Variants in CAD observed in about 807,000 individuals in gnomAD.
CAD encodes the protein multifunctional protein CAD.
CAD carries 81 observed loss-of-function variants against 237.2 expected under a neutral mutation model. The ratio of observed to expected loss-of-function variants is 0.34; its 90% CI spans 0.29 to 0.41. The LOEUF (loss-of-function observed/expected upper bound fraction) is 0.41. Ranked by LOEUF, CAD falls within the 10% of genes least tolerant of loss-of-function variation. The probability of loss-of-function intolerance (pLI) is 1.00; values close to 1 mark genes in which losing one functional copy is unlikely to be tolerated. For synonymous variants in CAD, 1,196 were observed against 1,162.8 expected (o/e 1.03, Z -0.58); for missense variants, 2,181 against 2,951.7 (o/e 0.74, Z 6.05).
In CAD at chr2:27,237,246, A is replaced by C. The variant is rs1353897449; in HGVS notation, c.4397-133A>C. On this transcript the variant is annotated intron_variant, in intron 27 of 43. Transcript: ENST00000264705. The surrounding 1 kb of genome is among the most constrained non-coding windows in gnomAD (Gnocchi z 4.0). Reference sequence around the variant, plus strand: ...ACCATGTTGGTCAGGTTGGTCTCGAACTCCTGATCTCAGGTGATCTGCCCA... The same window carrying C: ...ACCATGTTGGTCAGGTTGGTCTCGACCTCCTGATCTCAGGTGATCTGCCCA... 2 of 895,770 alleles carry C rather than the reference A, an allele frequency of 2.2e-6. No individual in the cohort carries two copies. 55.5% of individuals were successfully genotyped at this position (895,770 alleles called of 1,614,324 possible).
chr2:27,224,141 A>G (rs1473836963), intron 8 of CAD, 112 bp downstream of exon 8: 3 of 937,964 alleles, frequency 3.2e-6, no homozygotes, highest in African/African-American at 3.3e-5. Flanking sequence ...GGTTAAGGGT[A>G]TTGGGGATGG....
Position 27,243,513 on chromosome 2 carries a change from T to G in CAD, c.6673T>G (p.Phe2225Val), listed in dbSNP as rs1236147043. The change falls in exon 44 of 44, where the codon TTC becomes GTC. Residue 2225 changes from phenylalanine (F) to valine (V), a missense_variant. By Grantham distance (50) the Phe-to-Val change is conservative. This residue lies in a region of CAD where 170 missense variants were observed against 212.1 expected (regional missense o/e 0.80). Coordinates refer to ENST00000264705, the MANE Select transcript of CAD (RefSeq NM_004341.5). Reference sequence around the variant, plus strand: ...TCTGTTAGCCACCGTGCTGGGCCGTTTCTAGGGCCTGGCTTCCTCAGCCTC... The same window carrying G: ...TCTGTTAGCCACCGTGCTGGGCCGTGTCTAGGGCCTGGCTTCCTCAGCCTC... Reference protein sequence around the residue: ...MALLATVLGRF With the variant: ...MALLATVLGRV The G allele has an allele frequency of 1.3e-6, 2 of 1,589,368 alleles. No individual in the cohort carries two copies. The highest frequency in any genetic ancestry group is 1.8e-5 in the Admixed American group (1 of 55,972).
In CAD at chr2:27,235,807, G is replaced by C; in HGVS notation, c.4074+167G>C. On this transcript the variant is annotated intron_variant, in intron 25 of 43. Coordinates refer to ENST00000264705, the MANE Select transcript of CAD (RefSeq NM_004341.5). This position sits in a 1 kb window ranked among gnomAD's most constrained non-coding sequence, Gnocchi z 5.2. ...TTGAGCCCAGGAGGTAGAGGCTGCA[G>C]TGAGCTGCGAGTGTGCAGTGAGTGC... 3.3e-6 allele frequency: 2 copies of C among 597,886 alleles called. No homozygotes were observed. The highest frequency in any genetic ancestry group is 3.3e-4 in the Middle Eastern group (1 of 3,044). The allele number at this position is 597,886 out of a possible 1,614,324, so 37.0% of individuals were successfully genotyped here.
chr2:27,232,845 GC>G lies in CAD; in HGVS notation c.2892+155del. 1 of 969,918 alleles carries G rather than the reference GC, an allele frequency of 1.0e-6. No homozygotes were observed. The highest frequency in any genetic ancestry group is 1.6e-6 in the Non-Finnish European group (1 of 632,576). 60.1% of individuals were successfully genotyped at this position (969,918 alleles called of 1,614,324 possible). Reference sequence around the variant, plus strand: ...GGGGTCCTTTTAGGCCATCTCTCATGCCCCACACGGTATATGAATCTCTTCC... The same window carrying G: ...GGGGTCCTTTTAGGCCATCTCTCATGCCCACACGGTATATGAATCTCTTCC... On this transcript the variant is annotated intron_variant, in intron 18 of 43. Transcript: ENST00000264705. This position sits in a 1 kb window ranked among gnomAD's most constrained non-coding sequence, Gnocchi z 4.1.
Position 27,242,034 on chromosome 2 carries a change from A to G in CAD, c.6007A>G (p.Lys2003Glu), listed in dbSNP as rs2148098560. 1 of 1,613,370 alleles carries G rather than the reference A, an allele frequency of 6.2e-7. No homozygotes were observed. Among genetic ancestry groups the G allele is most frequent in the Non-Finnish European group, 8.5e-7 (1 of 1,180,028 alleles). ...CTCGGAAGCCACATCGTCCGTCCAG[A>G]AGGGCGAATCCCTGGCTGACTCCGT... ...SFSEATSSVQ[K>E]GESLADSVQT... The change falls in exon 39 of 44, where the codon AAG becomes GAG. Residue 2003 changes from lysine (K) to glutamate (E), a missense_variant. Coordinates refer to ENST00000264705, the MANE Select transcript of CAD (RefSeq NM_004341.5). This position sits in a 1 kb window ranked among gnomAD's most constrained non-coding sequence, Gnocchi z 6.4.
intron 2 of CAD, among the ~76,000 whole-genome samples, chr2:27,218,625 G>A (rs368571481): frequency 3.3e-5 from 5 of 152,098 alleles, no homozygotes; most frequent in Admixed American, 6.6e-5. Flanking sequence ...ACATGGCCTC[G>A]TCTGATTCTC....
chr2:27,232,701 G>A lies in CAD; in HGVS notation c.2892+7G>A, dbSNP rs1325580567. 17 of 1,614,190 alleles carry A rather than the reference G, an allele frequency of 1.1e-5. No individual in the cohort carries two copies. Among genetic ancestry groups the A allele is most frequent in the Non-Finnish European group, 1.4e-5 (17 of 1,180,030 alleles). On this transcript the variant is annotated splice_region_variant and intron_variant, in intron 18 of 43. Transcript: ENST00000264705. The surrounding 1 kb of genome is among the most constrained non-coding windows in gnomAD (Gnocchi z 4.1). ...CATCCAGCAGCTCCGAAAGGTCAGA[G>A]AGTTCATTTTCTTTCCACTTTCCTT...
chr2:27,238,041 T>C lies in CAD; in HGVS notation c.4729-15T>C. On this transcript the variant is annotated splice_polypyrimidine_tract_variant and intron_variant, in intron 29 of 43. Coordinates refer to ENST00000264705, the MANE Select transcript of CAD (RefSeq NM_004341.5). ...AGATTCTGCACACTCCTTCATCAGTTCTTTCTGCTCCCAGCATTTCGAGAC... is the reference window on the plus strand; with the variant it reads ...AGATTCTGCACACTCCTTCATCAGTCCTTTCTGCTCCCAGCATTTCGAGAC... The C allele has an allele frequency of 6.2e-7, 1 of 1,613,860 alleles. No individual in the cohort carries two copies. Among genetic ancestry groups the C allele is most frequent in the Non-Finnish European group, 8.5e-7 (1 of 1,179,834 alleles).
chr2:27,219,505 G>T (rs755814474), intron 2 of CAD, among the ~76,000 whole-genome samples: 14 of 152,132 alleles, frequency 9.2e-5, no homozygotes, highest in African/African-American at 2.4e-4. Flanking sequence ...GCCATGCCTG[G>T]CTACTTTTTT....
Position 27,243,529 on chromosome 2 carries a change from C to A in CAD, c.*11C>A. 6.4e-7 allele frequency: 1 copy of A among 1,571,934 alleles called. No homozygotes were observed. The highest frequency in any genetic ancestry group is 8.6e-7 in the Non-Finnish European group (1 of 1,157,696). ...CTGGGCCGTTTCTAGGGCCTGGCTT[C>A]CTCAGCCTCTTCTCTTTAGGCCCAG... On this transcript the variant is annotated 3_prime_UTR_variant, in exon 44 of 44. Coordinates refer to ENST00000264705, the MANE Select transcript of CAD (RefSeq NM_004341.5).
Position 27,240,006 on chromosome 2 carries a change from C to A in CAD, c.5496+208C>A. The A allele has an allele frequency of 1.7e-6, 1 of 587,554 alleles. No individual in the cohort carries two copies. Among genetic ancestry groups the A allele is most frequent in the Middle Eastern group, 4.1e-4 (1 of 2,458 alleles). 36.4% of individuals were successfully genotyped at this position (587,554 alleles called of 1,614,324 possible). ...TTGTAATCCCAGCACTTTGGGAGGC[C>A]AAGGCAGGCGGATCATCTGAGGTCA... On this transcript the variant is annotated intron_variant, in intron 34 of 43. Coordinates refer to ENST00000264705, the MANE Select transcript of CAD (RefSeq NM_004341.5). This position sits in a 1 kb window ranked among gnomAD's most constrained non-coding sequence, Gnocchi z 4.6.
Position 27,239,647 on chromosome 2 carries a change from G to A in CAD, c.5395-50G>A. On this transcript the variant is annotated intron_variant, in intron 33 of 43. Transcript: ENST00000264705. The surrounding 1 kb of genome is among the most constrained non-coding windows in gnomAD (Gnocchi z 4.0). Reference sequence around the variant, plus strand: ...TCCTTGCTGACATCTACCCCTTTAGGACCTGAGTTCTCTCTGCTCCCTCCT... The same window carrying A: ...TCCTTGCTGACATCTACCCCTTTAGAACCTGAGTTCTCTCTGCTCCCTCCT... 3.3e-6 allele frequency: 5 copies of A among 1,508,836 alleles called. No individual in the cohort carries two copies. The highest frequency in any genetic ancestry group is 1.4e-5 in the African/African-American group (1 of 72,330). 93.5% of individuals were successfully genotyped at this position (1,508,836 alleles called of 1,614,324 possible).
rs1676387114 is a variant in CAD at position 27,242,836 on chromosome 2, A to G, written c.6379-36A>G. Reference sequence around the variant, plus strand: ...GATGTGGGTTGGGCAGTCAGAGCCCAGCGCTGCATCCACCATGGCTCTCCT... The same window carrying G: ...GATGTGGGTTGGGCAGTCAGAGCCCGGCGCTGCATCCACCATGGCTCTCCT... On this transcript the variant is annotated intron_variant, in intron 41 of 43. Coordinates refer to ENST00000264705, the MANE Select transcript of CAD (RefSeq NM_004341.5). The surrounding 1 kb of genome is among the most constrained non-coding windows in gnomAD (Gnocchi z 6.4). The G allele has an allele frequency of 6.2e-7, 1 of 1,613,510 alleles. No individual in the cohort carries two copies. Among genetic ancestry groups the G allele is most frequent in the South Asian group, 1.1e-5 (1 of 91,066 alleles).
chr2:27,235,503 A>G lies in CAD; in HGVS notation c.3970-33A>G. On this transcript the variant is annotated intron_variant, in intron 24 of 43. Coordinates refer to ENST00000264705, the MANE Select transcript of CAD (RefSeq NM_004341.5). The surrounding 1 kb of genome is among the most constrained non-coding windows in gnomAD (Gnocchi z 5.2). ...GCTGACCTTGAAATGGAAGACAGGAAGAAAACAATTTCATCCTTCTGTTTG... is the reference window on the plus strand; with the variant it reads ...GCTGACCTTGAAATGGAAGACAGGAGGAAAACAATTTCATCCTTCTGTTTG... 1.2e-6 allele frequency: 2 copies of G among 1,612,150 alleles called. No individual in the cohort carries two copies. The highest frequency in any genetic ancestry group is 1.7e-6 in the Non-Finnish European group (2 of 1,178,272).
Position 27,241,158 on chromosome 2 carries a change from G to A in CAD, c.5739G>A (p.Gln1913=). The part of the protein sequence containing the change: ...NLGTPGLLHP[Q]TSPLLHSLVG... ...GGACCCCTGGCTTGCTGCACCCCCA[G>A]ACCTCACCCCTGCTGCACTCATTAG... The change falls in exon 37 of 44, where the codon CAG becomes CAA. Residue 1913 remains glutamine, a synonymous_variant. Coordinates refer to ENST00000264705, the MANE Select transcript of CAD (RefSeq NM_004341.5). This position sits in a 1 kb window ranked among gnomAD's most constrained non-coding sequence, Gnocchi z 4.6. 1 of 1,612,998 alleles carries A rather than the reference G, an allele frequency of 6.2e-7. No individual in the cohort carries two copies. Among genetic ancestry groups the A allele is most frequent in the Non-Finnish European group, 8.5e-7 (1 of 1,179,504 alleles).
At chr2:27,228,043 A>C (rs944288739) in intron 15 of CAD, among the ~76,000 whole-genome samples, 1 of 152,276 alleles carries the variant, frequency 6.6e-6, no homozygotes, top group Non-Finnish European at 1.5e-5. Flanking sequence ...AAGAAATTGA[A>C]CAAAATCAGT....
rs895467369 is a variant in CAD at position 27,242,226 on chromosome 2, G to A, written c.6097-76G>A. The stretch of plus-strand genomic sequence containing the variant: ...CTGTGTTTTGGGCCAGATGAGTGAG[G>A]GGACCCCAGAAGAGGGGGACTGGCA... On this transcript the variant is annotated intron_variant, in intron 39 of 43. Coordinates refer to ENST00000264705, the MANE Select transcript of CAD (RefSeq NM_004341.5). This position sits in a 1 kb window ranked among gnomAD's most constrained non-coding sequence, Gnocchi z 6.4. 2.5e-5 allele frequency: 40 copies of A among 1,580,838 alleles called. No individual in the cohort carries two copies. In the African/African-American group the frequency reaches 4.6e-4, roughly 18 times the overall value.
Position 27,226,413 on chromosome 2 carries a change from G to A in CAD, c.2031+94G>A. The A allele has an allele frequency of 4.5e-6, 7 of 1,542,762 alleles. No homozygotes were observed. In the South Asian group the frequency reaches 8.1e-5, roughly 18 times the overall value. ...GAGGTTGAGGTCTTTTGGGCTTACA[G>A]TCCCTGGAGTACAAGCTGGAATCTT... On this transcript the variant is annotated intron_variant, in intron 13 of 43. Transcript: ENST00000264705.
In CAD at chr2:27,242,051, T is replaced by C; in HGVS notation, c.6024T>C (p.Ala2008=). ...TSSVQKGESL[A]DSVQTMSCYA... The stretch of plus-strand genomic sequence containing the variant: ...CCGTCCAGAAGGGCGAATCCCTGGC[T>C]GACTCCGTGCAGACCATGAGCTGCT... Residue 2008 remains alanine, a synonymous_variant, in exon 39 of 44, where the codon GCT becomes GCC. Coordinates refer to ENST00000264705, the MANE Select transcript of CAD (RefSeq NM_004341.5). This position sits in a 1 kb window ranked among gnomAD's most constrained non-coding sequence, Gnocchi z 6.4. The C allele has an allele frequency of 2.5e-6, 4 of 1,613,406 alleles. No individual in the cohort carries two copies. In the South Asian group the frequency reaches 3.3e-5, roughly 13 times the overall value.
Sources: allele counts gnomAD v4.1 joint callset (sites outside exome capture counted in the v4.1 genomes callset), GRCh38; gene constraint gnomAD v4.1.1; regional missense constraint gnomAD v4.1.1; non-coding constraint Gnocchi (gnomAD v3.1); transcripts MANE v1.5; gene names NCBI Gene and HGNC (gene_info 2026-07-23, HGNC 2026-07-21).